The following FRMPD4 variants were observed in gnomAD, a reference collection of about 807,000 sequenced individuals.
FRMPD4 encodes the protein FERM and PDZ domain containing 4.
Under a neutral mutation model 94.1 loss-of-function variants are expected in FRMPD4, and 22 were observed. The ratio of observed to expected loss-of-function variants is 0.23; its 90% CI spans 0.17 to 0.33. The LOEUF is 0.33. Among genes scored for constraint, FRMPD4 ranks in the 10% least tolerant of loss-of-function variants. The pLI, the probability that FRMPD4 is intolerant of heterozygous loss-of-function variation, is 1.00. For missense variants in FRMPD4, 1,111 were observed against 1,339.9 expected (o/e 0.83, Z 2.67); for synonymous variants, 631 against 548.6 (o/e 1.15, Z -2.10).
At chrX:11,863,756 A>G (rs1260592817) in intron 1 of FRMPD4, among the ~76,000 whole-genome samples, 1 of 112,013 alleles carries the variant, frequency 8.9e-6, no homozygotes, top group Non-Finnish European at 1.9e-5. Flanking sequence ...TAAATGCTTG[A>G]TGAATATAGC....
At chrX:12,200,821 TAAA>T (rs1480991739) in intron 1 of FRMPD4, among the ~76,000 whole-genome samples, 2 of 112,692 alleles carry the variant, frequency 1.8e-5, no homozygotes, top group Admixed American at 1.9e-4. Flanking sequence ...GGTGAGATGT[TAAA>T]ACAGTTCAAA....
intron 3 of FRMPD4, among the ~76,000 whole-genome samples, chrX:12,065,181 G>T (rs2054911275): frequency 8.9e-6 from 1 of 112,112 alleles, no homozygotes; most frequent in African/African-American, 3.2e-5. Context: ...ATACTAGAAG[G>T]AAATAAATCA....
In FRMPD4 at chrX:11,930,107, C is replaced by CAAAA. The variant is rs55973946; in HGVS notation, c.95+52113_95+52116dup. Reference sequence around the variant, plus strand: ...TGGGCAACAGAGTGAGACTCTGTCTCAAAAAAAAAAAAAAAAAAAAAAAAA... The same window carrying CAAAA: ...TGGGCAACAGAGTGAGACTCTGTCTCAAAAAAAAAAAAAAAAAAAAAAAAAAAAA... On this transcript the variant is annotated intron_variant, in intron 3 of 18. Transcript: ENST00000640291. Among the ~76,000 whole-genome samples, 123 of 13,253 alleles carry CAAAA rather than the reference C, an allele frequency of 9.3e-3. 14 individuals carry two copies. The highest frequency in any genetic ancestry group is 0.013 in the Non-Finnish European group (101 of 7,635). 11.5% of individuals were successfully genotyped at this position (13,253 alleles called of 115,157 possible).
intron 1 of FRMPD4, among the ~76,000 whole-genome samples, chrX:11,861,132 A>G (rs2053684150): frequency 8.9e-6 from 1 of 112,130 alleles, no homozygotes; most frequent in Admixed American, 9.5e-5. Context: ...GATGAACAAG[A>G]GGCATATGCT....
At chrX:12,388,818 G>GATATATATATATATATATATATAT (rs3068660) in intron 1 of FRMPD4, among the ~76,000 whole-genome samples, 2 of 60,737 alleles carry the variant, frequency 3.3e-5, no homozygotes, top group African/African-American at 1.7e-4. Context: ...AAGAAAATGT[G>GATATATATATATATATATATATAT]ATATATATAT....
Position 11,848,686 on chromosome X carries a change from T to C in FRMPD4, c.-160-16400T>C, listed in dbSNP as rs1243705019. Among the ~76,000 whole-genome samples the C allele has an allele frequency of 7.2e-5, 8 of 110,562 alleles. No individual in the cohort carries two copies. The Admixed American group carries it at 7.8e-4, about 11-fold the overall frequency. On this transcript the variant is annotated intron_variant, in intron 1 of 18. Transcript: ENST00000640291. ...ATCAAGCCCCCTGTGGATGATCCAC[T>C]TCTAGGAACTCCCTGTTAAATCCCC... is the stretch of plus-strand genomic sequence containing the variant.
chrX:12,638,443 CCAGGCTGGCCTCAAACTCCTGGACT>C (rs1468897546), intron 4 of FRMPD4, among the ~76,000 whole-genome samples: 1 of 110,555 alleles, frequency 9.0e-6, no homozygotes, highest in Non-Finnish European at 1.9e-5. Flanking sequence ...GCCATGTTGC[CCAGGCTGGCCTCAAACTCCTGGACT>C]CAGGCAGTCC....
intron 1 of FRMPD4, among the ~76,000 whole-genome samples, chrX:12,365,305 C>T (rs775376506): frequency 1.8e-5 from 2 of 111,508 alleles, no homozygotes; most frequent in Non-Finnish European, 3.8e-5. Flanking sequence ...GACCTTGGGC[C>T]GGATACACCT....
intron 14 of FRMPD4, among the ~76,000 whole-genome samples, chrX:12,714,323 C>T (rs1032569716): frequency 9.0e-6 from 1 of 111,443 alleles, no homozygotes; most frequent in African/African-American, 3.3e-5. Context: ...CTGGTGGCCG[C>T]CAGCATTCCT....
chrX:12,210,745 A>G, intron 1 of FRMPD4, among the ~76,000 whole-genome samples: 1 of 111,107 alleles, frequency 9.0e-6, no homozygotes, highest in East Asian at 2.8e-4. Context: ...CACACACTAA[A>G]AAAGGGGAAA....
At chrX:12,354,464 A>G (rs940831681) in intron 1 of FRMPD4, among the ~76,000 whole-genome samples, 1 of 112,030 alleles carries the variant, frequency 8.9e-6, no homozygotes, top group Admixed American at 9.5e-5. Context: ...ACAAATCTTC[A>G]GACTTATTAA....
chrX:12,396,331 T>TA (rs34382971), intron 1 of FRMPD4, among the ~76,000 whole-genome samples: 31,318 of 109,954 alleles, frequency 0.28, 3,570 homozygotes, highest in Non-Finnish European at 0.32. Flanking sequence ...TTTGGAGATT[T>TA]AAAAAAAAAT....
chrX:12,599,110 A>G (rs1252978055), intron 2 of FRMPD4, among the ~76,000 whole-genome samples: 1 of 111,114 alleles, frequency 9.0e-6, no homozygotes, highest in Non-Finnish European at 1.9e-5. Flanking sequence ...CTGGGAGGAC[A>G]TACAACAGCC....
intron 1 of FRMPD4, among the ~76,000 whole-genome samples, chrX:12,497,345 A>C (rs1234275693): frequency 9.0e-6 from 1 of 111,079 alleles, no homozygotes; most frequent in Admixed American, 9.5e-5. Context: ...ATTCAAATGC[A>C]TTCTCTACTA....
intron 3 of FRMPD4, among the ~76,000 whole-genome samples, chrX:12,056,477 A>G (rs758682746): frequency 9.0e-6 from 1 of 111,421 alleles, no homozygotes; most frequent in Non-Finnish European, 1.9e-5. Flanking sequence ...TAATATATTT[A>G]GGTGTTATGG....
chrX:11,966,592 A>G (rs767162141), intron 3 of FRMPD4, among the ~76,000 whole-genome samples: 4 of 111,869 alleles, frequency 3.6e-5, no homozygotes, highest in Admixed American at 9.5e-5. Flanking sequence ...GGTTGAAAAG[A>G]TAACATGGTT....
Position 12,005,955 on chromosome X carries a change from G to A in FRMPD4, c.95+127937G>A, listed in dbSNP as rs566296661. ...TCTCTCCCAAGATTCTTTTTTTCCC[G>A]TTGAGTAAATTTTAAGAACTTGATC... On this transcript the variant is annotated intron_variant, in intron 3 of 18. Transcript: ENST00000640291. 1.2e-3 allele frequency among the ~76,000 whole-genome samples: 134 copies of A among 110,558 alleles called. 1 individual carries two copies. The highest frequency in any genetic ancestry group is 4.1e-3 in the African/African-American group (126 of 30,390).
intron 1 of FRMPD4, among the ~76,000 whole-genome samples, chrX:12,299,845 A>G (rs2054833098): frequency 1.8e-5 from 2 of 112,473 alleles, no homozygotes; most frequent in Non-Finnish European, 3.8e-5. Flanking sequence ...AGAAGAGGAT[A>G]GAAGGTTAGT....
chrX:12,410,927 A>G (rs190569031), intron 1 of FRMPD4, among the ~76,000 whole-genome samples: 163 of 111,787 alleles, frequency 1.5e-3, no homozygotes, highest in Middle Eastern at 9.2e-3. Flanking sequence ...ACTCGTGACC[A>G]TATGTAAAAA....
Sources: gnomAD v4.1 joint callset for allele counts (sites outside exome capture counted in the v4.1 genomes callset) on GRCh38, gnomAD v4.1.1 for gene constraint, MANE v1.5 for transcripts, NCBI Gene and HGNC (gene_info 2026-07-23, HGNC 2026-07-21) for gene names.